The following ARHGAP5 variants were observed in gnomAD, a reference collection of about 807,000 sequenced individuals.
The protein encoded by ARHGAP5 is Rho GTPase activating protein 5.
In ARHGAP5, 23 loss-of-function variants were observed where a neutral mutation model predicts 116.6. The observed-to-expected ratio is 0.20, with a 90% confidence interval of 0.14 to 0.28. The LOEUF (loss-of-function observed/expected upper bound fraction) is 0.28. Among genes scored for constraint, ARHGAP5 ranks in the 10% least tolerant of loss-of-function variants. ARHGAP5 has a pLI of 1.00. For missense variants in ARHGAP5, 1,405 were observed against 1,774.8 expected, an observed-to-expected ratio of 0.79 and a Z score of 3.74; for synonymous variants, 574 against 602.0, an observed-to-expected ratio of 0.95 and a Z score of 0.68.
At chr14:32,151,094 A>G (rs556669228) in intron 5 of ARHGAP5, among the ~76,000 whole-genome samples, 13 of 152,304 alleles carry the variant, frequency 8.5e-5, no homozygotes, top group African/African-American at 3.1e-4. Context: ...GTCACAAGGT[A>G]TAGTTGCCTT....
chr14:32,096,574 T>C (rs953352024), intron 2 of ARHGAP5, among the ~76,000 whole-genome samples: 1 of 152,202 alleles, frequency 6.6e-6, no homozygotes, highest in African/African-American at 2.4e-5. Flanking sequence ...TTTGAAAGTT[T>C]AAACAAAATG....
chr14:32,107,300 A>C (rs1388087525), intron 2 of ARHGAP5, among the ~76,000 whole-genome samples: 1 of 152,208 alleles, frequency 6.6e-6, no homozygotes, highest in Non-Finnish European at 1.5e-5. Context: ...TTTCATATGA[A>C]TCCTGATTAG....
intron 6 of ARHGAP5, 133 bp from the exon 7 acceptor site, chr14:32,154,488 T>G (rs1881802059): frequency 1.2e-6 from 1 of 817,350 alleles, no homozygotes; most frequent in African/African-American, 1.7e-5. Flanking sequence ...GATGCTTCTT[T>G]ATGCAAATTT....
chr14:32,119,231 ATTT>A (rs1248573704), intron 3 of ARHGAP5, among the ~76,000 whole-genome samples: 2 of 152,036 alleles, frequency 1.3e-5, no homozygotes, highest in African/African-American at 4.8e-5. Flanking sequence ...AATTTCATCA[ATTT>A]ACAGCTCTCA....
At position 32,159,630 on chromosome 14, in the gene ARHGAP5, G is replaced by T. The variant is rs1227625855; in HGVS notation, c.*4682G>T. On this transcript the variant is annotated 3_prime_UTR_variant, in exon 7 of 7. Coordinates refer to ENST00000345122, the MANE Select transcript of ARHGAP5 (RefSeq NM_001030055.2). ...TTCTAGGTACTTGCTGCAAGTTCTTGAACTATTTTACCAGCTTTAACTTTG... is the reference window on the plus strand; with the variant it reads ...TTCTAGGTACTTGCTGCAAGTTCTTTAACTATTTTACCAGCTTTAACTTTG... The T allele has an allele frequency of 6.6e-6, 1 of 152,034 alleles. No individual in the cohort carries two copies. The highest frequency in any genetic ancestry group is 2.1e-4 in the South Asian group (1 of 4,828). The allele number at this position is 152,034 out of a possible 1,614,324, so 9.4% of individuals were successfully genotyped here. A position where few individuals can be genotyped will look rare whatever the true frequency, so the allele number is the denominator to read the frequency against.
Position 32,152,911 on chromosome 14 carries a change from C to T in ARHGAP5, c.4181+383C>T, listed in dbSNP as rs150290348. 3.8e-4 allele frequency among the ~76,000 whole-genome samples: 58 copies of T among 152,102 alleles called. 1 individual carries two copies. Among genetic ancestry groups the T allele is most frequent in the African/African-American group, 1.2e-3 (48 of 41,520 alleles). On this transcript the variant is annotated intron_variant, in intron 6 of 6. Coordinates refer to ENST00000345122, the MANE Select transcript of ARHGAP5 (RefSeq NM_001030055.2). ...TCTTCCTAAGTCTTGATTGTCTCAA[C>T]TATAAACATGAAAATAACAACACTT...
chr14:32,110,147 T>TCCC, intron 2 of ARHGAP5, among the ~76,000 whole-genome samples: 1 of 151,876 alleles, frequency 6.6e-6, no homozygotes, highest in Non-Finnish European at 1.5e-5. Context: ...TGAGGTATGT[T>TCCC]GATGAACAAA....
chr14:32,109,435 AATTAT>A (rs1406077602), intron 2 of ARHGAP5, among the ~76,000 whole-genome samples: 1 of 152,056 alleles, frequency 6.6e-6, no homozygotes, highest in East Asian at 1.9e-4. Context: ...GCAGTAGTGT[AATTAT>A]ATTATCTCTC....
intron 3 of ARHGAP5, among the ~76,000 whole-genome samples, chr14:32,127,091 G>A (rs1880200114): frequency 6.7e-6 from 1 of 150,370 alleles, no homozygotes; most frequent in Admixed American, 6.6e-5. Flanking sequence ...TCCACCTCCT[G>A]GGTTCAAGTG....
In ARHGAP5 at chr14:32,154,850, C is replaced by T. The variant is rs775513908; in HGVS notation, c.4411C>T (p.Gln1471Ter). The T allele has an allele frequency of 6.2e-7, 1 of 1,614,010 alleles. No homozygotes were observed. The highest frequency in any genetic ancestry group is 1.3e-5 in the African/African-American group (1 of 74,918). Residue 1471 changes from glutamine (Q) to a stop codon, truncating the protein, a stop_gained, in exon 7 of 7, where the codon CAG becomes TAG. Coordinates refer to ENST00000345122, the MANE Select transcript of ARHGAP5 (RefSeq NM_001030055.2). LOFTEE classifies it high-confidence loss of function. The stretch of plus-strand genomic sequence containing the variant: ...TCCTCCACCACCTTCAAACCCAGGA[C>T]AGTTGGTGGAACCAATGGTGCCACT... The part of the protein sequence containing the change: ...VAPPPPSNPG[Q>*]LVEPMVPLQL...
Position 32,157,822 on chromosome 14 carries a change from G to C in ARHGAP5, c.*2874G>C, listed in dbSNP as rs1378762007. On this transcript the variant is annotated 3_prime_UTR_variant, in exon 7 of 7. Transcript: ENST00000345122. ...TAGACCTGGGTTTTTTTGTTTATTT[G>C]GGTTTGTTTTTTTTTTTGAGGTACT... 6.7e-6 allele frequency: 1 copy of C among 149,788 alleles called. No individual in the cohort carries two copies. Among genetic ancestry groups the C allele is most frequent in the Non-Finnish European group, 1.5e-5 (1 of 67,174 alleles). 9.3% of individuals were successfully genotyped at this position (149,788 alleles called of 1,614,324 possible).
rs548086877 is a variant in ARHGAP5 at position 32,127,889 on chromosome 14, C to T, written c.3865+10602C>T. 1.1e-4 allele frequency among the ~76,000 whole-genome samples: 16 copies of T among 150,546 alleles called. No homozygotes were observed. The South Asian group carries it at 1.3e-3, about 12-fold the overall frequency. Reference sequence around the variant, plus strand: ...GCGGAGGGGCTCCTCACTTCTCAGACGGGGCGGCTGGGCAGAGGCACTCCT... The same window carrying T: ...GCGGAGGGGCTCCTCACTTCTCAGATGGGGCGGCTGGGCAGAGGCACTCCT... On this transcript the variant is annotated intron_variant, in intron 3 of 6. Transcript: ENST00000345122.
intron 3 of ARHGAP5, among the ~76,000 whole-genome samples, chr14:32,122,337 G>C (rs1252627771): frequency 2.6e-5 from 4 of 152,120 alleles, no homozygotes; most frequent in Non-Finnish European, 5.9e-5. Flanking sequence ...TATCTATTCA[G>C]ATCCTTTGCC....
At chr14:32,095,413 T>G (rs1163045066) in intron 2 of ARHGAP5, among the ~76,000 whole-genome samples, 1 of 146,902 alleles carries the variant, frequency 6.8e-6, no homozygotes, top group South Asian at 2.1e-4. Flanking sequence ...TTTTTTTTTT[T>G]TTGTTTTTTT....
chr14:32,099,717 T>C (rs946197052), intron 2 of ARHGAP5, among the ~76,000 whole-genome samples: 1 of 152,216 alleles, frequency 6.6e-6, no homozygotes, highest in Non-Finnish European at 1.5e-5. Context: ...GACTCATTTT[T>C]AAGTTAAATA....
chr14:32,093,273 A>C lies in ARHGAP5; in HGVS notation c.2604A>C (p.Ala868=). ...KRKASMGMLR[A]FLSEVQDTIP... The stretch of plus-strand genomic sequence containing the variant: ...AAGCTTCGATGGGAATGCTTCGAGC[A>C]TTTCTATCAGAAGTTCAAGACACCA... Residue 868 remains alanine (A), a synonymous_variant, in exon 2 of 7, where the codon GCA becomes GCC. Coordinates refer to ENST00000345122, the MANE Select transcript of ARHGAP5 (RefSeq NM_001030055.2). The C allele has an allele frequency of 1.2e-6, 2 of 1,613,694 alleles. No homozygotes were observed. Among genetic ancestry groups the C allele is most frequent in the Non-Finnish European group, 1.7e-6 (2 of 1,179,858 alleles).
At chr14:32,089,366 G>A (rs2139010843) in intron 1 of ARHGAP5, among the ~76,000 whole-genome samples, 1 of 151,754 alleles carries the variant, frequency 6.6e-6, no homozygotes. Context: ...TGTCTGGATT[G>A]AGGATACTTT....
intron 3 of ARHGAP5, among the ~76,000 whole-genome samples, chr14:32,137,761 C>T (rs1262674906): frequency 6.6e-6 from 1 of 152,036 alleles, no homozygotes; most frequent in African/African-American, 2.4e-5. Context: ...TACCTGAGGT[C>T]AGGAGTTCGA....
In ARHGAP5 at chr14:32,155,596, G is replaced by A. The variant is rs936749639; in HGVS notation, c.*648G>A. 6.6e-6 allele frequency: 1 copy of A among 152,662 alleles called. No homozygotes were observed. Among genetic ancestry groups the A allele is most frequent in the Non-Finnish European group, 1.5e-5 (1 of 68,048 alleles). 9.5% of individuals were successfully genotyped at this position (152,662 alleles called of 1,614,324 possible). On this transcript the variant is annotated 3_prime_UTR_variant, in exon 7 of 7. Transcript: ENST00000345122. ...TCTTTTACACACATACCAAGGACAT[G>A]CTTGTGGCTAAAGTGAGTTGATAAT... is the stretch of plus-strand genomic sequence containing the variant.
Sources: gnomAD v4.1 joint callset for allele counts (sites outside exome capture counted in the v4.1 genomes callset) on GRCh38, gnomAD v4.1.1 for gene constraint, MANE v1.5 for transcripts, NCBI Gene and HGNC (gene_info 2026-07-23, HGNC 2026-07-21) for gene names.